Variants in CYFIP1 observed in about 807,000 individuals in gnomAD.
CYFIP1 encodes cytoplasmic FMR1-interacting protein 1.
In CYFIP1, 58 loss-of-function variants were observed where a neutral mutation model predicts 163.5. That is an observed-to-expected ratio of 0.35 (90% CI 0.29 to 0.44). The LOEUF (loss-of-function observed/expected upper bound fraction) is 0.44, where lower values mean the gene tolerates loss of function less well. Ranked by LOEUF, CYFIP1 falls within the 20% of genes least tolerant of loss-of-function variation. The pLI is 1.00. For missense variants in CYFIP1, 1,338 were observed against 1,653.8 expected (o/e 0.81, Z 3.31); for synonymous variants, 663 against 660.7 (o/e 1.00, Z -0.05).
upstream of CYFIP1, among the ~76,000 whole-genome samples, chr15:22,980,691 G>A (rs1213385887): frequency 6.6e-6 from 1 of 152,050 alleles, no homozygotes; most frequent in East Asian, 1.9e-4. Flanking sequence ...CCTGTCCCGG[G>A]GCTCCACCGG....
intron 22 of CYFIP1, among the ~76,000 whole-genome samples, chr15:22,900,194 A>G (rs1052304586): frequency 2.6e-5 from 4 of 152,094 alleles, no homozygotes; most frequent in Admixed American, 1.3e-4. Context: ...TTGCGAGAAG[A>G]GAAGAGACAG....
At chr15:22,915,130 C>CTTT (rs397783359) in intron 16 of CYFIP1, 139 of 297,320 alleles carry the variant, frequency 4.7e-4, no homozygotes, top group East Asian at 1.5e-3. Context: ...GGGAAAGTGT[C>CTTT]TTTTTTTTTT....
chr15:22,875,444 A>G, intron 26 of CYFIP1, 173 bp from the exon 27 acceptor site: 1 of 649,966 alleles, frequency 1.5e-6, no homozygotes, highest in Non-Finnish European at 2.7e-6. Flanking sequence ...TGTCCTGTCC[A>G]TTCCGGCAGC....
chr15:22,968,215 TTA>T (rs1567045127), intron 1 of CYFIP1, among the ~76,000 whole-genome samples: 1 of 152,200 alleles, frequency 6.6e-6, no homozygotes, highest in Non-Finnish European at 1.5e-5. Context: ...ATGGTTGCTT[TTA>T]TGTGTCAACT....
chr15:22,952,683 A>G (rs1415477258), intron 1 of CYFIP1, among the ~76,000 whole-genome samples: 2 of 104,652 alleles, frequency 1.9e-5, no homozygotes, highest in African/African-American at 6.8e-5. Flanking sequence ...AAAGGTAAAC[A>G]TGGGGGTAAA....
chr15:22,957,318 C>T (rs1038773406), intron 1 of CYFIP1, among the ~76,000 whole-genome samples: 17 of 152,066 alleles, frequency 1.1e-4, no homozygotes, highest in East Asian at 9.7e-4. Context: ...CTGGCTAACA[C>T]GGTGAAACCT....
At chr15:22,881,529 C>G (rs1336460876) in intron 25 of CYFIP1, among the ~76,000 whole-genome samples, 1 of 147,826 alleles carries the variant, frequency 6.8e-6, no homozygotes, top group African/African-American at 2.5e-5. Flanking sequence ...GTCTCTGAGC[C>G]TCAAGTCCCT....
rs192139394 is a variant in CYFIP1 at position 22,956,959 on chromosome 15, G to C, written c.-6-9668C>G. On this transcript the variant is annotated intron_variant, in intron 1 of 30. Coordinates refer to ENST00000617928, the MANE Select transcript of CYFIP1 (RefSeq NM_014608.6). ...CAAGAGGGAGCTTTTCACAGGGACC[G>C]AACAGTCATCTCTTTAGGTGTTAAA... Among the ~76,000 whole-genome samples, 91 of 152,342 alleles carry C rather than the reference G, an allele frequency of 6.0e-4. 1 individual carries two copies. In the East Asian group the frequency reaches 0.015, roughly 25 times the overall value.
chr15:22,886,206 C>G (rs1323919086), intron 23 of CYFIP1, among the ~76,000 whole-genome samples: 1 of 152,148 alleles, frequency 6.6e-6, no homozygotes, highest in Non-Finnish European at 1.5e-5. Context: ...CACCAGGTCC[C>G]TCCCTTGACT....
chr15:22,932,303 T>C lies in CYFIP1; in HGVS notation c.1030A>G (p.Asn344Asp). The C allele has an allele frequency of 6.2e-7, 1 of 1,612,188 alleles. No homozygotes were observed. The highest frequency in any genetic ancestry group is 8.5e-7 in the Non-Finnish European group (1 of 1,179,254). Reference sequence around the variant, plus strand: ...ATCTGGATCATCTGCTCGCAGATGTTGTACTGAGGGCTGCTGCCGGAGGAT... The same window carrying C: ...ATCTGGATCATCTGCTCGCAGATGTCGTACTGAGGGCTGCTGCCGGAGGAT... ...CTSSGSSPQYNICEQMIQIRE... is the reference protein window; with the variant it reads ...CTSSGSSPQYDICEQMIQIRE... Residue 344 changes from asparagine (N) to aspartate (D), a missense_variant, in exon 11 of 31, where the codon AAC (asparagine) becomes GAC (aspartate). By Grantham distance (23) the Asn-to-Asp change is conservative. This residue lies in a region of CYFIP1 where 824 missense variants were observed against 995.7 expected (regional missense o/e 0.83). Transcript: ENST00000617928.
chr15:22,875,701 G>A (rs1029586331), intron 26 of CYFIP1, among the ~76,000 whole-genome samples: 5 of 151,720 alleles, frequency 3.3e-5, no homozygotes, highest in Non-Finnish European at 7.4e-5. Flanking sequence ...CAGAAGGAAG[G>A]GGCGTCTCCT....
At position 22,878,675 on chromosome 15, in the gene CYFIP1, A is replaced by T. The variant is rs2059656091; in HGVS notation, c.3042+1238T>A. ...AAGTTCCATGTGCAGATGGTAGATT[A>T]AAAAAAAAAAAAAGTGCTAATCATT... is the stretch of plus-strand genomic sequence containing the variant. On this transcript the variant is annotated intron_variant, in intron 26 of 30. Transcript: ENST00000617928. 1.8e-5 allele frequency among the ~76,000 whole-genome samples: 2 copies of T among 110,798 alleles called. 1 individual carries two copies. The highest frequency in any genetic ancestry group is 1.7e-4 in the Admixed American group (2 of 11,862). The allele number at this position is 110,798 out of a possible 152,430, so 72.7% of individuals were successfully genotyped here. A position where few individuals can be genotyped will look rare whatever the true frequency, so the allele number is the denominator to read the frequency against.
chr15:22,901,383 A>T (rs1491004162), intron 22 of CYFIP1, among the ~76,000 whole-genome samples: 2 of 152,158 alleles, frequency 1.3e-5, no homozygotes, highest in Non-Finnish European at 2.9e-5. Context: ...TTAAACAGAA[A>T]AATGGTAACA....
At chr15:22,872,686 G>T in intron 30 of CYFIP1, 139 bp downstream of exon 30, 2 of 770,448 alleles carry the variant, frequency 2.6e-6, no homozygotes, top group Non-Finnish European at 4.1e-6. Context: ...GATTCATTTT[G>T]GGAACGAAAA....
chr15:22,874,653 G>A lies in CYFIP1; in HGVS notation c.3116-9C>T. On this transcript the variant is annotated splice_polypyrimidine_tract_variant and intron_variant, in intron 27 of 30. Coordinates refer to ENST00000617928, the MANE Select transcript of CYFIP1 (RefSeq NM_014608.6). ...ATCAAGTCTCTCCCCCTCTGCAGTAGAAAAAATATTTTACTATATTCTGCT... is the reference window on the plus strand; with the variant it reads ...ATCAAGTCTCTCCCCCTCTGCAGTAAAAAAAATATTTTACTATATTCTGCT... The A allele has an allele frequency of 6.4e-7, 1 of 1,567,990 alleles. No homozygotes were observed.
intron 23 of CYFIP1, among the ~76,000 whole-genome samples, chr15:22,891,590 G>A (rs1009912310): frequency 1.3e-5 from 2 of 152,176 alleles, no homozygotes; most frequent in African/African-American, 2.4e-5. Flanking sequence ...TCTGAGTGCC[G>A]TAAAAAGGCC....
At chr15:22,878,303 C>T (rs1016835579) in intron 26 of CYFIP1, among the ~76,000 whole-genome samples, 3 of 152,012 alleles carry the variant, frequency 2.0e-5, no homozygotes, top group Admixed American at 6.5e-5. Context: ...GTTAGAGCAA[C>T]GATGAGCAAG....
chr15:22,880,583 G>A (rs918220591), intron 25 of CYFIP1, among the ~76,000 whole-genome samples: 1 of 152,216 alleles, frequency 6.6e-6, no homozygotes, highest in African/African-American at 2.4e-5. Context: ...ATATGGGACA[G>A]AAGGCCAACG....
chr15:22,960,625 T>C (rs1043146302), intron 1 of CYFIP1, among the ~76,000 whole-genome samples: 3 of 152,202 alleles, frequency 2.0e-5, no homozygotes, highest in Non-Finnish European at 4.4e-5. Flanking sequence ...GTCATATAAA[T>C]CTTTTCCACC....
Sources: gnomAD v4.1 joint callset for allele counts (sites outside exome capture counted in the v4.1 genomes callset) on GRCh38, gnomAD v4.1.1 for gene constraint, gnomAD v4.1.1 regional missense constraint, MANE v1.5 for transcripts, NCBI Gene and HGNC (gene_info 2026-07-23, HGNC 2026-07-21) for gene names.